Variants in ADRA1D observed in about 807,000 individuals in gnomAD.
ADRA1D encodes alpha-1D adrenergic receptor.
ADRA1D carries 22 observed loss-of-function variants against 18.6 expected under a neutral mutation model. The observed-to-expected ratio is 1.19, with a 90% CI of 0.85 to 1.69. ADRA1D has a LOEUF of 1.69. Ranked by LOEUF, ADRA1D falls within the 40% of genes most tolerant of loss-of-function variation. The pLI is 0.00. For synonymous variants in ADRA1D, 376 were observed against 388.2 expected (o/e 0.97, Z 0.37); for missense variants, 840 against 840.7 (o/e 1.00, Z 0.01).
At position 4,248,170 on chromosome 20, in the gene ADRA1D, A is replaced by C. The variant is rs1221316125; in HGVS notation, c.788T>G (p.Phe263Cys). Residue 263 changes from phenylalanine (F) to cysteine (C), a missense_variant, in exon 1 of 2, where the codon TTC (phenylalanine) becomes TGC (cysteine). Transcript: ENST00000379453. ...CACGATGACCGCCATGGGCAGGTAGAAGGAGCACACGGAGGAGAAGACAGC... is the reference window on the plus strand; with the variant it reads ...CACGATGACCGCCATGGGCAGGTAGCAGGAGCACACGGAGGAGAAGACAGC... ...GYAVFSSVCSFYLPMAVIVVM... is the reference protein window; with the variant it reads ...GYAVFSSVCSCYLPMAVIVVM... The C allele has an allele frequency of 6.3e-7, 1 of 1,584,762 alleles. No homozygotes were observed. The highest frequency in any genetic ancestry group is 2.3e-5 in the East Asian group (1 of 43,520).
Position 4,221,564 on chromosome 20 carries a change from C to G in ADRA1D, c.1678G>C (p.Glu560Gln), listed in dbSNP as rs761228509. The G allele has an allele frequency of 6.2e-7, 1 of 1,612,450 alleles. No homozygotes were observed. The highest frequency in any genetic ancestry group is 8.5e-7 in the Non-Finnish European group (1 of 1,178,870). The change falls in exon 2 of 2, where the codon GAA (glutamate) becomes CAA (glutamine). Residue 560 changes from glutamate to glutamine, a missense_variant. Glu to Gln is a conservative substitution (Grantham distance 29). Transcript: ENST00000379453. ...VAEGATCQAY[E>Q]LADYSNLRET... ...CGTAGGTTGCTGTAGTCGGCCAATT[C>G]GTAGGCCTGGCAGGTGGCGCCCTCG... is the stretch of plus-strand genomic sequence containing the variant.
At position 4,220,858 on chromosome 20, in the gene ADRA1D, C is replaced by G. The variant is rs1600843062; in HGVS notation, c.*665G>C. ...AAGTGATGGGCACAGGCACGATGAG[C>G]TATGTACAGAGTGTAAACAGTAAGG... On this transcript the variant is annotated 3_prime_UTR_variant, in exon 2 of 2. Coordinates refer to ENST00000379453, the MANE Select transcript of ADRA1D (RefSeq NM_000678.4). The G allele has an allele frequency of 6.5e-6, 1 of 152,708 alleles. No homozygotes were observed. The highest frequency in any genetic ancestry group is 2.4e-5 in the African/African-American group (1 of 41,516). The allele number at this position is 152,708 out of a possible 1,614,324, so 9.5% of individuals were successfully genotyped here.
At chr20:4,243,529 C>A (rs940678065) in intron 1 of ADRA1D, among the ~76,000 whole-genome samples, 1 of 152,210 alleles carries the variant, frequency 6.6e-6, no homozygotes, top group Admixed American at 6.5e-5. Context: ...TACGTTCTAT[C>A]TCCAAAGTGG....
chr20:4,225,960 G>C (rs955660044), intron 1 of ADRA1D, among the ~76,000 whole-genome samples: 4 of 152,230 alleles, frequency 2.6e-5, no homozygotes, highest in Middle Eastern at 3.2e-3. Context: ...CAGGAAAGTG[G>C]CCCTCAAGAA....
intron 1 of ADRA1D, among the ~76,000 whole-genome samples, chr20:4,229,792 G>C (rs1267048665): frequency 2.0e-5 from 3 of 151,380 alleles, no homozygotes; most frequent in Non-Finnish European, 4.4e-5. Context: ...CTCACTGCTT[G>C]TGCCCCTGCC....
chr20:4,224,791 T>C (rs1600844976), intron 1 of ADRA1D, among the ~76,000 whole-genome samples: 1 of 151,354 alleles, frequency 6.6e-6, no homozygotes, highest in East Asian at 1.9e-4. Context: ...CAGGGATCCC[T>C]ACTGAGGAGG....
intron 1 of ADRA1D, among the ~76,000 whole-genome samples, chr20:4,230,462 C>A (rs1236913611): frequency 1.3e-5 from 2 of 152,240 alleles, no homozygotes; most frequent in Non-Finnish European, 1.5e-5. Context: ...AGGTCCCCTG[C>A]ACTTCACTGT....
Position 4,248,379 on chromosome 20 carries a change from G to C in ADRA1D, c.579C>G (p.Asp193Glu), listed in dbSNP as rs752857515. 8.7e-6 allele frequency: 14 copies of C among 1,609,200 alleles called. No individual in the cohort carries two copies. In the South Asian group the frequency reaches 1.6e-4, roughly 18 times the overall value. The change falls in exon 1 of 2, where the codon GAC (aspartate) becomes GAG (glutamate). Residue 193 changes from aspartate to glutamate, a missense_variant. Asp to Glu is a conservative substitution (Grantham distance 45). Transcript: ENST00000379453. ...SILSLCTISV[D>E]RYVGVRHSLK... Reference sequence around the variant, plus strand: ...GTGAGTGGCGCACGCCCACGTACCGGTCCACGGAGATGGTGCAGAGGCTGA... The same window carrying C: ...GTGAGTGGCGCACGCCCACGTACCGCTCCACGGAGATGGTGCAGAGGCTGA...
intron 1 of ADRA1D, among the ~76,000 whole-genome samples, chr20:4,232,880 C>T (rs1020854033): frequency 8.5e-5 from 13 of 152,238 alleles, no homozygotes; most frequent in African/African-American, 2.9e-4. Context: ...CCAGTTCTGC[C>T]TTTCTTGCCC....
At chr20:4,233,799 G>C (rs1053871816) in intron 1 of ADRA1D, among the ~76,000 whole-genome samples, 3 of 152,152 alleles carry the variant, frequency 2.0e-5, no homozygotes, top group Non-Finnish European at 4.4e-5. Flanking sequence ...AGTGGGGTGG[G>C]GGGGTGAGTG....
At chr20:4,231,817 TA>T (rs1980976796) in intron 1 of ADRA1D, among the ~76,000 whole-genome samples, 1 of 152,216 alleles carries the variant, frequency 6.6e-6, no homozygotes, top group African/African-American at 2.4e-5. Context: ...CTTGGGCTTC[TA>T]GGGGCGCTGG....
chr20:4,224,335 G>A (rs1980741649), intron 1 of ADRA1D, among the ~76,000 whole-genome samples: 2 of 152,138 alleles, frequency 1.3e-5, no homozygotes, highest in African/African-American at 4.8e-5. Context: ...GAGTGCCAGG[G>A]AGGATGGGGC....
Position 4,247,878 on chromosome 20 carries a change from G to A in ADRA1D, c.1080C>T (p.Cys360=). ...GCAGGACAAAGAAGAAAGGGAACCA[G>A]CAGAGCACGAAGACACCCACGACGA... is the stretch of plus-strand genomic sequence containing the variant. ...LAIVVGVFVL[C]WFPFFFVLPL... is the part of the protein sequence containing the mutation. Residue 360 remains cysteine, a synonymous_variant, in exon 1 of 2, where the codon TGC becomes TGT. Coordinates refer to ENST00000379453, the MANE Select transcript of ADRA1D (RefSeq NM_000678.4). 6.3e-7 allele frequency: 1 copy of A among 1,578,696 alleles called. No homozygotes were observed. Among genetic ancestry groups the A allele is most frequent in the Non-Finnish European group, 8.6e-7 (1 of 1,164,644 alleles).
chr20:4,239,663 A>G lies in ADRA1D; in HGVS notation c.1111+8184T>C, dbSNP rs897405529. On this transcript the variant is annotated intron_variant, in intron 1 of 1. Transcript: ENST00000379453. The surrounding 1 kb of genome is among the most constrained non-coding windows in gnomAD (Gnocchi z 4.9). ...AACTGGAAGGAGTACCCACTGGCCA[A>G]GCCCAAAACAATGATGTCTGTGATG... 1.3e-5 allele frequency among the ~76,000 whole-genome samples: 2 copies of G among 152,222 alleles called. No individual in the cohort carries two copies. The highest frequency in any genetic ancestry group is 2.4e-5 in the African/African-American group (1 of 41,450).
At chr20:4,228,982 C>T (rs552668473) in intron 1 of ADRA1D, among the ~76,000 whole-genome samples, 1 of 152,332 alleles carries the variant, frequency 6.6e-6, no homozygotes, top group African/African-American at 2.4e-5. Flanking sequence ...CTCCCAGGCC[C>T]TCAACCTGTA....
intron 1 of ADRA1D, among the ~76,000 whole-genome samples, chr20:4,228,911 A>C (rs1425520984): frequency 6.6e-6 from 1 of 152,058 alleles, no homozygotes. Context: ...CCTCACCTAC[A>C]GTCTCCTTGT....
At chr20:4,238,520 G>C (rs954238417) in intron 1 of ADRA1D, among the ~76,000 whole-genome samples, 1 of 152,092 alleles carries the variant, frequency 6.6e-6, no homozygotes, top group Non-Finnish European at 1.5e-5. Context: ...AAAGAGTAAG[G>C]CTCCTTAGAA....
chr20:4,221,572 T>C lies in ADRA1D; in HGVS notation c.1670A>G (p.Gln557Arg). ...GCTGTAGTCGGCCAATTCGTAGGCC[T>C]GGCAGGTGGCGCCCTCGGCCACCTC... ...PHEVAEGATC[Q>R]AYELADYSNL... The change falls in exon 2 of 2, where the codon CAG becomes CGG. Residue 557 changes from glutamine (Q) to arginine (R), a missense_variant. Transcript: ENST00000379453. 6.2e-7 allele frequency: 1 copy of C among 1,612,776 alleles called. No individual in the cohort carries two copies. The highest frequency in any genetic ancestry group is 8.5e-7 in the Non-Finnish European group (1 of 1,179,100).
intron 1 of ADRA1D, among the ~76,000 whole-genome samples, chr20:4,225,150 C>T (rs1372574608): frequency 1.3e-5 from 2 of 151,702 alleles, no homozygotes; most frequent in Admixed American, 6.6e-5. Flanking sequence ...TACAGGCACG[C>T]ACCACCATGC....
Sources: gnomAD v4.1 joint callset for allele counts (sites outside exome capture counted in the v4.1 genomes callset) on GRCh38, gnomAD v4.1.1 for gene constraint, Gnocchi (gnomAD v3.1) non-coding constraint, MANE v1.5 for transcripts, NCBI Gene and HGNC (gene_info 2026-07-23, HGNC 2026-07-21) for gene names.